The following RGS7 variants were observed in gnomAD, a reference collection of about 807,000 sequenced individuals.
RGS7 encodes regulator of G protein signaling 7.
RGS7 carries 27 observed loss-of-function variants against 81.1 expected under a neutral mutation model. That is an observed-to-expected ratio of 0.33 (90% confidence interval 0.25 to 0.46). RGS7 has a LOEUF of 0.46. Among genes scored for constraint, RGS7 ranks in the 20% least tolerant of loss-of-function variants. The pLI, the probability that RGS7 is intolerant of heterozygous loss-of-function variation, is 1.00. For missense variants in RGS7, 396 were observed against 607.4 expected (o/e 0.65, Z 3.66); for synonymous variants, 208 against 207.7 (o/e 1.00, Z -0.01).
intron 2 of RGS7, among the ~76,000 whole-genome samples, chr1:241,230,404 G>A (rs1247255234): frequency 6.6e-6 from 1 of 152,032 alleles, no homozygotes; most frequent in Non-Finnish European, 1.5e-5. Flanking sequence ...AGTAGAGAGA[G>A]GGTTTCGCCA....
intron 9 of RGS7, among the ~76,000 whole-genome samples, chr1:240,855,488 C>T (rs1285926999): frequency 6.6e-6 from 1 of 151,024 alleles, no homozygotes; most frequent in Non-Finnish European, 1.5e-5. Context: ...TGGAATGCAA[C>T]GGCATGGTCA....
intron 6 of RGS7, among the ~76,000 whole-genome samples, chr1:240,881,191 C>A (rs1218317734): frequency 6.6e-6 from 1 of 151,992 alleles, no homozygotes. Flanking sequence ...GAGTTCATGT[C>A]CTTTGTAGGG....
At chr1:240,907,183 T>C (rs989937570) in intron 6 of RGS7, among the ~76,000 whole-genome samples, 22 of 152,134 alleles carry the variant, frequency 1.4e-4, no homozygotes, top group Non-Finnish European at 5.9e-5. Flanking sequence ...GACCTTGACA[T>C]CCTGGGGCAA....
intron 2 of RGS7, among the ~76,000 whole-genome samples, chr1:241,277,426 T>C (rs965708580): frequency 6.6e-6 from 1 of 152,248 alleles, no homozygotes; most frequent in East Asian, 1.9e-4. Flanking sequence ...GAGACCATCC[T>C]GGCTAACATG....
chr1:240,857,196 A>C lies in RGS7; in HGVS notation c.609+11391T>G, dbSNP rs553549546. ...TGCCCTCTGTTTCACTTTGTAAAAAAGTTATATCTCTATTTTTTTTTGTTA... is the reference window on the plus strand; with the variant it reads ...TGCCCTCTGTTTCACTTTGTAAAAACGTTATATCTCTATTTTTTTTTGTTA... On this transcript the variant is annotated intron_variant, in intron 9 of 18. Coordinates refer to ENST00000440928, the MANE Select transcript of RGS7 (RefSeq NM_001364886.1). Among the ~76,000 whole-genome samples the C allele has an allele frequency of 7.2e-5, 11 of 152,154 alleles. No homozygotes were observed. The South Asian group carries it at 2.3e-3, about 32-fold the overall frequency.
rs116673737 is a variant in RGS7, at chr1:240,875,535, T to C, written c.386-5416A>G. 1.8e-3 allele frequency among the ~76,000 whole-genome samples: 272 copies of C among 152,312 alleles called. 1 individual carries two copies. The highest frequency in any genetic ancestry group is 5.5e-3 in the African/African-American group (228 of 41,570). ...CTTCCAAATACTGATTTTATTTTCT[T>C]TGGGTAGATCCCCAGAATTGGAATT... On this transcript the variant is annotated intron_variant, in intron 6 of 18. Transcript: ENST00000440928.
At chr1:240,857,174 C>T (rs1558362567) in intron 9 of RGS7, among the ~76,000 whole-genome samples, 1 of 151,976 alleles carries the variant, frequency 6.6e-6, no homozygotes, top group Admixed American at 6.6e-5. Flanking sequence ...TATGATGTGC[C>T]CTCTGTTTCA....
At chr1:240,860,010 G>T (rs1661908324) in intron 9 of RGS7, among the ~76,000 whole-genome samples, 1 of 152,154 alleles carries the variant, frequency 6.6e-6, no homozygotes, top group Non-Finnish European at 1.5e-5. Flanking sequence ...AGTATTTTGA[G>T]ATATTCTAGC....
chr1:241,170,853 C>T (rs948718170), intron 2 of RGS7, among the ~76,000 whole-genome samples: 1 of 152,050 alleles, frequency 6.6e-6, no homozygotes, highest in African/African-American at 2.4e-5. Context: ...TTTCTGTTTT[C>T]TTCTTTAAAC....
At chr1:240,788,686 T>C (rs1052016306) in intron 18 of RGS7, among the ~76,000 whole-genome samples, 3 of 152,232 alleles carry the variant, frequency 2.0e-5, no homozygotes, top group African/African-American at 4.8e-5. Flanking sequence ...ATTTGTGTGA[T>C]GATTTTTAAA....
intron 2 of RGS7, among the ~76,000 whole-genome samples, chr1:241,295,452 CA>C (rs1211529817): frequency 1.5e-5 from 2 of 129,322 alleles, no homozygotes; most frequent in South Asian, 2.4e-4. Flanking sequence ...GACTCTGTCT[CA>C]AAAAAAGAAG....
chr1:240,893,498 C>A (rs1222482810), intron 6 of RGS7, among the ~76,000 whole-genome samples: 6 of 151,954 alleles, frequency 3.9e-5, no homozygotes, highest in Admixed American at 2.0e-4. Flanking sequence ...AATATTTAAC[C>A]ACATTTCTCT....
chr1:240,869,572 G>A (rs140585339), intron 7 of RGS7, among the ~76,000 whole-genome samples: 1 of 152,330 alleles, frequency 6.6e-6, no homozygotes, highest in African/African-American at 2.4e-5. Context: ...CAATGTGAAT[G>A]AAGAGAGGAA....
At chr1:241,143,212 CA>C (rs1247666850) in intron 2 of RGS7, among the ~76,000 whole-genome samples, 2 of 152,192 alleles carry the variant, frequency 1.3e-5, no homozygotes, top group Non-Finnish European at 2.9e-5. Context: ...CTGAGCCCTC[CA>C]AACTATTCCA....
chr1:241,135,410 G>T (rs1440422047), intron 2 of RGS7, among the ~76,000 whole-genome samples: 1 of 152,152 alleles, frequency 6.6e-6, no homozygotes, highest in Non-Finnish European at 1.5e-5. Flanking sequence ...CTGGGCGACA[G>T]AGCGAGACTC....
At chr1:241,109,467 G>A (rs1331309656) in intron 2 of RGS7, among the ~76,000 whole-genome samples, 1 of 151,602 alleles carries the variant, frequency 6.6e-6, no homozygotes, top group Non-Finnish European at 1.5e-5. Context: ...TTACATGTAA[G>A]TTATTTATTA....
intron 4 of RGS7, among the ~76,000 whole-genome samples, chr1:240,945,916 T>C (rs1253923758): frequency 6.6e-6 from 1 of 152,200 alleles, no homozygotes; most frequent in Admixed American, 6.5e-5. Context: ...AATAAGAATT[T>C]TAGATTTTAG....
chr1:240,986,571 A>T (rs1352404036), intron 3 of RGS7, among the ~76,000 whole-genome samples: 22 of 4,338 alleles, frequency 5.1e-3, no homozygotes, highest in Non-Finnish European at 6.0e-3. Flanking sequence ...CACCACTATT[A>T]TTTTTTTTTT....
At chr1:240,998,946 G>A (rs1252918482) in intron 3 of RGS7, among the ~76,000 whole-genome samples, 2 of 152,160 alleles carry the variant, frequency 1.3e-5, no homozygotes, top group Non-Finnish European at 2.9e-5. Context: ...TAGATCTTTT[G>A]TTATAAACCC....
Sources: gnomAD v4.1 joint callset for allele counts (sites outside exome capture counted in the v4.1 genomes callset) on GRCh38, gnomAD v4.1.1 for gene constraint, MANE v1.5 for transcripts, NCBI Gene and HGNC (gene_info 2026-07-23, HGNC 2026-07-21) for gene names.